Variants in NEO1 observed in about 807,000 individuals in gnomAD.
NEO1 encodes neogenin 1.
NEO1 carries 63 observed loss-of-function variants against 159.7 expected under a neutral mutation model. The observed-to-expected ratio is 0.39, with a 90% CI of 0.32 to 0.49. The LOEUF (loss-of-function observed/expected upper bound fraction) is 0.49, where lower values mean the gene tolerates loss of function less well. Ranked by LOEUF, NEO1 falls within the 20% of genes least tolerant of loss-of-function variation. The pLI is 0.85. For synonymous variants in NEO1, 633 were observed against 662.0 expected (o/e 0.96, Z 0.67); for missense variants, 1,615 against 1,831.0 (o/e 0.88, Z 2.15).
chr15:73,247,966 G>A (rs1298269455), intron 9 of NEO1, among the ~76,000 whole-genome samples: 4 of 152,098 alleles, frequency 2.6e-5, no homozygotes, highest in African/African-American at 9.7e-5. Flanking sequence ...TCTCCTTACG[G>A]GTCTTCTTGA....
intron 7 of NEO1, among the ~76,000 whole-genome samples, chr15:73,212,412 A>G (rs969946605): frequency 6.6e-6 from 1 of 152,142 alleles, no homozygotes; most frequent in Non-Finnish European, 1.5e-5. Flanking sequence ...TCTTTCATAT[A>G]TTATAGATTA....
intron 8 of NEO1, among the ~76,000 whole-genome samples, chr15:73,239,786 A>T (rs1473689639): frequency 6.6e-6 from 1 of 152,218 alleles, no homozygotes; most frequent in Non-Finnish European, 1.5e-5. Flanking sequence ...GTCAGAACAT[A>T]TCCCTGTTGT....
chr15:73,152,933 A>G lies in NEO1; in HGVS notation c.1015+16906A>G, dbSNP rs138025699. Among the ~76,000 whole-genome samples the G allele has an allele frequency of 2.6e-4, 40 of 152,210 alleles. 1 individual carries two copies. The East Asian group carries it at 4.6e-3, about 18-fold the overall frequency. On this transcript the variant is annotated intron_variant, in intron 5 of 28. Coordinates refer to ENST00000261908, the MANE Select transcript of NEO1 (RefSeq NM_002499.4). ...GTGTATGTTTAGAGAAAGAGAGAAG[A>G]GACTTTTATTATAAAGTATTGGTTC...
chr15:73,135,296 C>T (rs904960585), intron 4 of NEO1, among the ~76,000 whole-genome samples: 1 of 152,118 alleles, frequency 6.6e-6, no homozygotes, highest in Non-Finnish European at 1.5e-5. Flanking sequence ...ATGATGGTGA[C>T]TGATTTGTGC....
intron 21 of NEO1, among the ~76,000 whole-genome samples, chr15:73,276,035 C>A (rs2151062018): frequency 6.6e-6 from 1 of 152,270 alleles, no homozygotes; most frequent in South Asian, 2.1e-4. Flanking sequence ...GGAGAAACTG[C>A]AAACATACTT....
In NEO1 at chr15:73,293,388, A is replaced by T; in HGVS notation, c.3743-2A>T. On this transcript the variant is annotated splice_acceptor_variant, in intron 25 of 28. Coordinates refer to ENST00000261908, the MANE Select transcript of NEO1 (RefSeq NM_002499.4). LOFTEE classifies it high-confidence loss of function. ...ATTTCTCTGTCTTGTGTTCATTCAC[A>T]GCTGTGATTAGTGCCCATCCCATCC... 1 of 1,614,108 alleles carries T rather than the reference A, an allele frequency of 6.2e-7. No individual in the cohort carries two copies. Among genetic ancestry groups the T allele is most frequent in the Non-Finnish European group, 8.5e-7 (1 of 1,180,012 alleles).
intron 23 of NEO1, among the ~76,000 whole-genome samples, chr15:73,286,203 A>G (rs2151112095): frequency 6.6e-6 from 1 of 151,460 alleles, no homozygotes; most frequent in South Asian, 2.1e-4. Flanking sequence ...AGCCCTTTCT[A>G]ATCTTTATTC....
chr15:73,133,834 T>C (rs2031431614), intron 4 of NEO1, among the ~76,000 whole-genome samples: 1 of 152,216 alleles, frequency 6.6e-6, no homozygotes, highest in African/African-American at 2.4e-5. Context: ...CTCCCAGCCT[T>C]TTTTTAAAGG....
intron 1 of NEO1, among the ~76,000 whole-genome samples, chr15:73,079,673 G>A (rs981700295): frequency 6.6e-6 from 1 of 152,086 alleles, no homozygotes; most frequent in Non-Finnish European, 1.5e-5. Context: ...TTTTATATGA[G>A]TTTCTGCTAT....
chr15:73,175,628 G>A (rs1047552259), intron 5 of NEO1, among the ~76,000 whole-genome samples: 3 of 152,168 alleles, frequency 2.0e-5, no homozygotes, highest in African/African-American at 7.2e-5. Context: ...GGAGCTTGCT[G>A]CTTTGTGATG....
At chr15:73,221,807 A>T (rs2038286465) in intron 7 of NEO1, 1 of 154,162 alleles carries the variant, frequency 6.5e-6, no homozygotes, top group Non-Finnish European at 1.4e-5. Context: ...GGTGGGAGTG[A>T]CCCAATTTTC....
chr15:73,208,066 T>A (rs2037337273), intron 7 of NEO1, among the ~76,000 whole-genome samples: 2 of 152,260 alleles, frequency 1.3e-5, no homozygotes, highest in Admixed American at 1.3e-4. Context: ...TTTTTCCTTC[T>A]GGAAGTTAAA....
At chr15:73,213,169 C>T (rs986905122) in intron 7 of NEO1, among the ~76,000 whole-genome samples, 4 of 152,124 alleles carry the variant, frequency 2.6e-5, no homozygotes, top group African/African-American at 9.7e-5. Context: ...AGTTGAGCAA[C>T]CACTGGAGGT....
intron 1 of NEO1, among the ~76,000 whole-genome samples, chr15:73,057,064 C>T (rs2067742960): frequency 6.6e-6 from 1 of 152,170 alleles, no homozygotes; most frequent in Non-Finnish European, 1.5e-5. Flanking sequence ...ACTTCACATA[C>T]ATCTGTAAGT....
At chr15:73,217,358 T>C (rs2037954665) in intron 7 of NEO1, among the ~76,000 whole-genome samples, 2 of 148,460 alleles carry the variant, frequency 1.3e-5, no homozygotes, top group Admixed American at 1.4e-4. Flanking sequence ...TGAAGTCAGG[T>C]AGTGTGATGC....
chr15:73,171,000 G>T (rs925830832), intron 5 of NEO1, among the ~76,000 whole-genome samples: 2 of 150,464 alleles, frequency 1.3e-5, no homozygotes, highest in Non-Finnish European at 2.9e-5. Context: ...AGTAGTCTCG[G>T]GGGAAAAAAA....
At chr15:73,055,987 C>T (rs982766529) in intron 1 of NEO1, among the ~76,000 whole-genome samples, 4 of 152,200 alleles carry the variant, frequency 2.6e-5, no homozygotes, top group Non-Finnish European at 5.9e-5. Flanking sequence ...ATCTCTTTGT[C>T]TGTACTGTTA....
chr15:73,238,880 G>T (rs971086892), intron 8 of NEO1, among the ~76,000 whole-genome samples: 1 of 151,950 alleles, frequency 6.6e-6, no homozygotes, highest in African/African-American at 2.4e-5. Flanking sequence ...CAAAGGTCTC[G>T]CTGGGTCACC....
chr15:73,199,581 G>C (rs1432112813), intron 7 of NEO1, among the ~76,000 whole-genome samples: 3 of 152,162 alleles, frequency 2.0e-5, no homozygotes, highest in East Asian at 3.8e-4. Flanking sequence ...CAACATAGAT[G>C]TCTGAGTTTT....
Sources: allele counts gnomAD v4.1 joint callset (sites outside exome capture counted in the v4.1 genomes callset), GRCh38; gene constraint gnomAD v4.1.1; transcripts MANE v1.5; gene names NCBI Gene and HGNC (gene_info 2026-07-23, HGNC 2026-07-21).